Variants in FGF14 observed in about 807,000 individuals in gnomAD.
FGF14 encodes the protein fibroblast growth factor homologous factor 4.
A neutral mutation model predicts 25.5 loss-of-function variants in FGF14; 5 were observed. The ratio of observed to expected loss-of-function variants is 0.20; its 90% CI spans 0.10 to 0.41. The LOEUF is 0.41. Among genes scored for constraint, FGF14 ranks in the 10% least tolerant of loss-of-function variants. The probability of loss-of-function intolerance (pLI) is 1.00; values close to 1 mark genes in which losing one functional copy is unlikely to be tolerated. For missense variants in FGF14, 222 were observed against 320.1 expected, an observed-to-expected ratio of 0.69 and a Z score of 2.34; for synonymous variants, 138 against 118.3, an observed-to-expected ratio of 1.17 and a Z score of -1.08.
chr13:102,074,910 A>G (rs1284034285), intron 1 of FGF14, among the ~76,000 whole-genome samples: 1 of 152,224 alleles, frequency 6.6e-6, no homozygotes, highest in Non-Finnish European at 1.5e-5. Flanking sequence ...TAAATTAGAT[A>G]TAGAGAGAAT....
intron 1 of FGF14, among the ~76,000 whole-genome samples, chr13:102,351,720 T>C (rs2057285671): frequency 6.6e-6 from 1 of 152,174 alleles, no homozygotes; most frequent in Non-Finnish European, 1.5e-5. Context: ...ATGGGGGCCT[T>C]TCCACAGGCC....
intron 1 of FGF14, among the ~76,000 whole-genome samples, chr13:102,340,395 G>A (rs2056912665): frequency 6.6e-6 from 1 of 151,854 alleles, no homozygotes; most frequent in Admixed American, 6.6e-5. Context: ...ATCTAGGATT[G>A]CTAGCTATTC....
intron 1 of FGF14, among the ~76,000 whole-genome samples, chr13:102,060,353 G>A (rs991664241): frequency 2.6e-5 from 4 of 151,868 alleles, no homozygotes; most frequent in African/African-American, 4.8e-5. Context: ...GTGAAACCCC[G>A]TCTATACTAA....
At chr13:102,216,957 G>T (rs929122797) in intron 1 of FGF14, among the ~76,000 whole-genome samples, 5 of 152,056 alleles carry the variant, frequency 3.3e-5, no homozygotes, top group Non-Finnish European at 7.4e-5. Flanking sequence ...GTCCTCCAAG[G>T]TTCATTCATG....
intron 2 of FGF14, among the ~76,000 whole-genome samples, chr13:101,872,793 GGCTTACA>G (rs1352678390): frequency 6.6e-6 from 1 of 151,934 alleles, no homozygotes; most frequent in Non-Finnish European, 1.5e-5. Flanking sequence ...TAAACTAACT[GGCTTACA>G]GTGCACTTGA....
chr13:102,093,258 A>AT (rs1038781854), intron 1 of FGF14, among the ~76,000 whole-genome samples: 1 of 151,842 alleles, frequency 6.6e-6, no homozygotes, highest in African/African-American at 2.4e-5. Context: ...CTATTTGATG[A>AT]TTTGCTACCA....
intron 2 of FGF14, 75 bp downstream of exon 2, chr13:101,875,111 A>C (rs1195928246): frequency 1.0e-6 from 1 of 992,974 alleles, no homozygotes; most frequent in East Asian, 2.4e-5. Flanking sequence ...TTTGCAAATG[A>C]ATCTTAAAAA....
At chr13:102,049,757 A>C (rs1297173772) in intron 1 of FGF14, among the ~76,000 whole-genome samples, 1 of 151,958 alleles carries the variant, frequency 6.6e-6, no homozygotes. Context: ...CCCCCCACAC[A>C]CAAACACACA....
At chr13:102,226,032 C>T (rs1000071951) in intron 1 of FGF14, among the ~76,000 whole-genome samples, 3 of 152,198 alleles carry the variant, frequency 2.0e-5, no homozygotes, top group Admixed American at 1.3e-4. Flanking sequence ...TCGACATTGA[C>T]ATTGAATTGA....
chr13:102,071,223 C>T (rs561783954), intron 1 of FGF14, among the ~76,000 whole-genome samples: 14 of 152,250 alleles, frequency 9.2e-5, no homozygotes, highest in African/African-American at 3.1e-4. Flanking sequence ...AGTAACAGCA[C>T]GACAAGGCAG....
intron 1 of FGF14, among the ~76,000 whole-genome samples, chr13:102,248,872 A>T (rs906283752): frequency 4.6e-5 from 7 of 152,064 alleles, no homozygotes; most frequent in African/African-American, 1.7e-4. Flanking sequence ...GAAAAGAATG[A>T]TTGAGACTTG....
chr13:101,914,008 T>C (rs58611485), intron 1 of FGF14, among the ~76,000 whole-genome samples: 2,119 of 152,258 alleles, frequency 0.014, 46 homozygotes, highest in African/African-American at 0.047. Context: ...GCCTAACAGA[T>C]TGTAAAGATT....
chr13:102,153,244 G>A (rs1236969295), intron 1 of FGF14, among the ~76,000 whole-genome samples: 1 of 152,206 alleles, frequency 6.6e-6, no homozygotes. Flanking sequence ...GTTCTGTTGA[G>A]AGAGAAAGAA....
intron 1 of FGF14, among the ~76,000 whole-genome samples, chr13:102,056,183 A>G (rs1418291971): frequency 6.6e-6 from 1 of 152,234 alleles, no homozygotes; most frequent in Non-Finnish European, 1.5e-5. Context: ...CACTACAATG[A>G]CAGAGTTGGG....
chr13:101,715,737 C>T lies in FGF14; in HGVS notation c.*7094G>A. ...TGCGAAGGAAACCATGTATATTCAC[C>T]ACTAGGACAGGTTAAAAAGACCATT... On this transcript the variant is annotated 3_prime_UTR_variant, in exon 5 of 5. Coordinates refer to ENST00000376143, the MANE Select transcript of FGF14 (RefSeq NM_004115.4). 1.2e-6 allele frequency: 1 copy of T among 814,452 alleles called. No homozygotes were observed. 50.5% of individuals were successfully genotyped at this position (814,452 alleles called of 1,614,324 possible).
At chr13:102,009,914 A>G (rs982578222) in intron 1 of FGF14, among the ~76,000 whole-genome samples, 2 of 152,220 alleles carry the variant, frequency 1.3e-5, no homozygotes, top group African/African-American at 4.8e-5. Flanking sequence ...ACAAAGAATG[A>G]TGATATTTTC....
At chr13:102,066,563 T>C (rs971447039) in intron 1 of FGF14, among the ~76,000 whole-genome samples, 15 of 152,236 alleles carry the variant, frequency 9.9e-5, no homozygotes, top group African/African-American at 3.4e-4. Context: ...CATATGTTAC[T>C]GGACCCAAAT....
intron 3 of FGF14, among the ~76,000 whole-genome samples, chr13:101,813,363 G>T (rs1227279427): frequency 4.6e-5 from 7 of 152,078 alleles, no homozygotes; most frequent in African/African-American, 1.7e-4. Context: ...GGATAGAAAT[G>T]GGGCTCTAGT....
intron 1 of FGF14, among the ~76,000 whole-genome samples, chr13:102,290,617 T>C (rs1053738756): frequency 6.6e-6 from 1 of 152,152 alleles, no homozygotes; most frequent in African/African-American, 2.4e-5. Context: ...AACTTTTCCA[T>C]TAAATTCTAG....
Sources: allele counts gnomAD v4.1 joint callset (sites outside exome capture counted in the v4.1 genomes callset), GRCh38; gene constraint gnomAD v4.1.1; transcripts MANE v1.5; gene names NCBI Gene and HGNC (gene_info 2026-07-23, HGNC 2026-07-21).